Variants in WIZ observed in about 807,000 individuals in gnomAD.
The protein encoded by WIZ is WIZ zinc finger.
A neutral mutation model predicts 140.2 loss-of-function variants in WIZ; 25 were observed. The ratio of observed to expected loss-of-function variants is 0.18; its 90% CI spans 0.13 to 0.25. The LOEUF (loss-of-function observed/expected upper bound fraction) is 0.25. Among genes scored for constraint, WIZ ranks in the 10% least tolerant of loss-of-function variants. The probability of loss-of-function intolerance (pLI) is 1.00; values close to 1 mark genes in which losing one functional copy is unlikely to be tolerated. For synonymous variants in WIZ, 1,125 were observed against 1,154.3 expected (o/e 0.97, Z 0.51); for missense variants, 2,231 against 2,632.6 (o/e 0.85, Z 3.34).
chr19:15,432,162 G>A (rs1969287459), intron 5 of WIZ, among the ~76,000 whole-genome samples: 1 of 152,120 alleles, frequency 6.6e-6, no homozygotes, highest in Non-Finnish European at 1.5e-5. Context: ...CGCACCGGAC[G>A]GACCGGAACC....
At position 15,424,749 on chromosome 19, in the gene WIZ, C is replaced by T. The variant is rs1599646323; in HGVS notation, c.5178G>A (p.Leu1726=). 3 of 1,570,986 alleles carry T rather than the reference C, an allele frequency of 1.9e-6. No homozygotes were observed. The highest frequency in any genetic ancestry group is 2.6e-6 in the Non-Finnish European group (3 of 1,161,770). ...CTCCGGCACTGCGGCCGACCACGGCCAGGCCCCCGGGTGCCAGCCCCAGGG... is the reference window on the plus strand; with the variant it reads ...CTCCGGCACTGCGGCCGACCACGGCTAGGCCCCCGGGTGCCAGCCCCAGGG... ...RPSLGLAPGG[L]AVVGRSAGGE... Residue 1726 remains leucine, a synonymous_variant, in exon 11 of 13, where the codon CTG becomes CTA. Coordinates refer to ENST00000673675, the MANE Select transcript of WIZ (RefSeq NM_001371589.1). This position sits in a 1 kb window ranked among gnomAD's most constrained non-coding sequence, Gnocchi z 9.7.
chr19:15,429,504 C>G, intron 7 of WIZ, 82 bp downstream of exon 7: 1 of 1,251,366 alleles, frequency 8.0e-7, no homozygotes, highest in Non-Finnish European at 1.0e-6. Context: ...ACCCTGGGCC[C>G]TGTCCCTGGG....
chr19:15,428,392 C>T lies in WIZ; in HGVS notation c.3532G>A (p.Asp1178Asn), dbSNP rs1316781559. The change falls in exon 8 of 13, where the codon GAT becomes AAT. Residue 1178 changes from aspartate to asparagine, a missense_variant. Physicochemically the swap from Asp to Asn is conservative, Grantham distance 23. This residue lies in a region of WIZ where 39 missense variants were observed against 74.9 expected (regional missense o/e 0.52). Transcript: ENST00000673675. This position sits in a 1 kb window ranked among gnomAD's most constrained non-coding sequence, Gnocchi z 6.4. ...RAHLRHLGVSDPDAKGSPIDV... is the reference protein window; with the variant it reads ...RAHLRHLGVSNPDAKGSPIDV... ...ATGGGGGATCCCTTGGCGTCCGGAT[C>T]GCTGACGCCCAGGTGGCGCAGGTGG... The T allele has an allele frequency of 4.6e-6, 7 of 1,535,430 alleles. No individual in the cohort carries two copies. Among genetic ancestry groups the T allele is most frequent in the South Asian group, 2.4e-5 (2 of 84,032 alleles).
chr19:15,436,654 G>A (rs1358246710), intron 5 of WIZ, 152 bp downstream of exon 5: 23 of 734,492 alleles, frequency 3.1e-5, no homozygotes, highest in Non-Finnish European at 4.3e-5. Context: ...TAAATAGCAG[G>A]GTGGTTGTAA....
chr19:15,430,888 C>T, intron 6 of WIZ, 124 bp downstream of exon 6: 1 of 1,270,594 alleles, frequency 7.9e-7, no homozygotes, highest in Admixed American at 2.9e-5. Flanking sequence ...CTTGGTGCCT[C>T]AAGGTGCCAG....
At position 15,424,233 on chromosome 19, in the gene WIZ, G is replaced by C. The variant is rs770988708; in HGVS notation, c.5460C>G (p.Pro1820=). The C allele has an allele frequency of 3.8e-6, 6 of 1,581,746 alleles. No individual in the cohort carries two copies. The highest frequency in any genetic ancestry group is 3.4e-5 in the South Asian group (3 of 87,632). ...RPVPSLVPRP[P]QTSLVKFVGN... is the part of the protein sequence containing the mutation. The stretch of plus-strand genomic sequence containing the variant: ...CCACGAACTTGACAAGTGATGTCTG[G>C]GGGGGCCGGGGCACCAGGGAGGGGA... Residue 1820 remains proline, a synonymous_variant, in exon 12 of 13, where the codon CCC becomes CCG. Coordinates refer to ENST00000673675, the MANE Select transcript of WIZ (RefSeq NM_001371589.1). This position sits in a 1 kb window ranked among gnomAD's most constrained non-coding sequence, Gnocchi z 9.7.
At position 15,448,233 on chromosome 19, in the gene WIZ, C is replaced by T. The variant is rs761367887; in HGVS notation, c.75G>A (p.Ala25=). ...CCCCACCCTCGATGTTCTCCCTTGGCGCCGGGCCAGGCAGTCTCTCTGGGC... is the reference window on the plus strand; with the variant it reads ...CCCCACCCTCGATGTTCTCCCTTGGTGCCGGGCCAGGCAGTCTCTCTGGGC... ...PQGPERLPGP[A]PRENIEGGAE... is the part of the protein sequence containing the mutation. The change falls in exon 2 of 13, where the codon GCG becomes GCA. Residue 25 remains alanine, a synonymous_variant. Transcript: ENST00000673675. 1.8e-5 allele frequency: 29 copies of T among 1,613,522 alleles called. No homozygotes were observed. The highest frequency in any genetic ancestry group is 4.5e-5 in the East Asian group (2 of 44,852).
At chr19:15,447,985 G>T in intron 2 of WIZ, 118 bp downstream of exon 2, 1 of 1,185,460 alleles carries the variant, frequency 8.4e-7, no homozygotes, top group South Asian at 1.3e-5. Context: ...AAAGGCTCTG[G>T]ACCCAAGCGG....
At position 15,422,199 on chromosome 19, in the gene WIZ, T is replaced by C. The variant is rs1968410941; in HGVS notation, c.*877A>G. 6.6e-6 allele frequency: 1 copy of C among 152,262 alleles called. No individual in the cohort carries two copies. The highest frequency in any genetic ancestry group is 1.5e-5 in the Non-Finnish European group (1 of 68,062). The allele number at this position is 152,262 out of a possible 1,614,324, so 9.4% of individuals were successfully genotyped here. A position where few individuals can be genotyped will look rare whatever the true frequency, so the allele number is the denominator to read the frequency against. On this transcript the variant is annotated 3_prime_UTR_variant, in exon 13 of 13. Coordinates refer to ENST00000673675, the MANE Select transcript of WIZ (RefSeq NM_001371589.1). ...AAAAGGTCAATCAGCTCCTGGCTTCTAGCTGGCCCAGGATTGCAAAATAAA... is the reference window on the plus strand; with the variant it reads ...AAAAGGTCAATCAGCTCCTGGCTTCCAGCTGGCCCAGGATTGCAAAATAAA...
At position 15,438,705 on chromosome 19, in the gene WIZ, G is replaced by T. The variant is rs1422296442; in HGVS notation, c.2289C>A (p.Gly763=). The T allele has an allele frequency of 2.6e-6, 4 of 1,536,078 alleles. No individual in the cohort carries two copies. In the East Asian group the frequency reaches 9.8e-5, roughly 38 times the overall value. ...YCPDRFHNGI[G]LANHVRGHLN... ...GGTGGCCCCGGACGTGGTTGGCCAA[G>T]CCGATGCCGTTGTGGAAGCGATCGG... The change falls in exon 4 of 13, where the codon GGC becomes GGA. Residue 763 remains glycine, a synonymous_variant. Transcript: ENST00000673675.
chr19:15,440,387 A>C lies in WIZ; in HGVS notation c.607T>G (p.Leu203Val), dbSNP rs141394733. 5.0e-4 allele frequency: 771 copies of C among 1,533,144 alleles called. 3 individuals carry two copies. In the African/African-American group the frequency reaches 9.3e-3, roughly 18 times the overall value. The allele number at this position is 1,533,144 out of a possible 1,614,324, so 95.0% of individuals were successfully genotyped here. The change falls in exon 4 of 13, where the codon TTG becomes GTG. Residue 203 changes from leucine to valine, a missense_variant. By Grantham distance (32) the Leu-to-Val change is conservative. Around this residue, in one of 15 missense-constraint regions of WIZ, gnomAD observed 307 missense variants for 294.1 expected, o/e 1.04. Transcript: ENST00000673675. The surrounding 1 kb of genome is among the most constrained non-coding windows in gnomAD (Gnocchi z 6.2). The part of the protein sequence containing the change: ...QGSPQDAGLH[L>V]DLPAQPPPLA... ...GGTGGCGGCTGGGCAGGCAGGTCCA[A>C]GTGCAGCCCTGCGTCCTGGGGGGAT...
At chr19:15,438,496 G>T in intron 4 of WIZ, 82 bp downstream of exon 4, 1 of 1,389,756 alleles carries the variant, frequency 7.2e-7, no homozygotes, top group South Asian at 1.5e-5. Context: ...CCCCCTGCTT[G>T]GCGCTAAGGG....
chr19:15,424,383 G>C lies in WIZ; in HGVS notation c.5315-5C>G. On this transcript the variant is annotated splice_polypyrimidine_tract_variant and splice_region_variant and intron_variant, in intron 11 of 12. Coordinates refer to ENST00000673675, the MANE Select transcript of WIZ (RefSeq NM_001371589.1). The surrounding 1 kb of genome is among the most constrained non-coding windows in gnomAD (Gnocchi z 9.7). ...GGGCTTGTCGGCGTTCAAATTCTAA[G>C]GTGGAGAGGGGGACGGGAGATGAGT... 6.2e-7 allele frequency: 1 copy of C among 1,600,272 alleles called. No individual in the cohort carries two copies. The highest frequency in any genetic ancestry group is 8.5e-7 in the Non-Finnish European group (1 of 1,176,452).
chr19:15,444,749 C>T (rs756547914), intron 2 of WIZ, among the ~76,000 whole-genome samples: 13 of 152,130 alleles, frequency 8.5e-5, no homozygotes, highest in Non-Finnish European at 1.6e-4. Context: ...ATAGATTTGA[C>T]TTTTTTCAGG....
In WIZ at chr19:15,439,774, A is replaced by G; in HGVS notation, c.1220T>C (p.Val407Ala). ...GGCCCTGGATGAATTGGTGCCAAAGACACACTTAGGGCACTGCAGCCGTGC... is the reference window on the plus strand; with the variant it reads ...GGCCCTGGATGAATTGGTGCCAAAGGCACACTTAGGGCACTGCAGCCGTGC... ...REARLQCPKC[V>A]FGTNSSRAYV... The change falls in exon 4 of 13, where the codon GTC (valine) becomes GCC (alanine). Residue 407 changes from valine (V) to alanine (A), a missense_variant. Physicochemically the swap from Val to Ala is moderately conservative, Grantham distance 64 (BLOSUM62 0). Coordinates refer to ENST00000673675, the MANE Select transcript of WIZ (RefSeq NM_001371589.1). The surrounding 1 kb of genome is among the most constrained non-coding windows in gnomAD (Gnocchi z 7.0). The G allele has an allele frequency of 6.7e-7, 1 of 1,486,560 alleles. No individual in the cohort carries two copies. Among genetic ancestry groups the G allele is most frequent in the South Asian group, 1.3e-5 (1 of 77,300 alleles). The allele number at this position is 1,486,560 out of a possible 1,614,324, so 92.1% of individuals were successfully genotyped here. A position where few individuals can be genotyped will look rare whatever the true frequency, so the allele number is the denominator to read the frequency against.
intron 2 of WIZ, among the ~76,000 whole-genome samples, chr19:15,447,445 C>T (rs1317281006): frequency 6.6e-6 from 1 of 152,226 alleles, no homozygotes; most frequent in African/African-American, 2.4e-5. Flanking sequence ...TGTTTAGTTG[C>T]TTGTTGTCCA....
In WIZ at chr19:15,431,125, G is replaced by C; in HGVS notation, c.2798C>G (p.Pro933Arg). The change falls in exon 6 of 13, where the codon CCT becomes CGT. Residue 933 changes from proline to arginine, a missense_variant. Around this residue, in one of 15 missense-constraint regions of WIZ, gnomAD observed 137 missense variants for 135.8 expected, o/e 1.01. Coordinates refer to ENST00000673675, the MANE Select transcript of WIZ (RefSeq NM_001371589.1). The stretch of plus-strand genomic sequence containing the variant: ...CCCAGGGACAGGCAGGCTCTTCTTA[G>C]GGAGCGAGGGAGAGCCCAAGTCCAT... ...VAMDLGSPSL[P>R]KKSLPVPGAL... The C allele has an allele frequency of 6.5e-7, 1 of 1,535,206 alleles. No homozygotes were observed. Among genetic ancestry groups the C allele is most frequent in the Non-Finnish European group, 8.7e-7 (1 of 1,146,498 alleles).
Position 15,426,995 on chromosome 19 carries a change from T to G in WIZ, c.4353A>C (p.Thr1451=), listed in dbSNP as rs1412778417. The change falls in exon 9 of 13, where the codon ACA becomes ACC. Residue 1451 remains threonine (T), a synonymous_variant. Coordinates refer to ENST00000673675, the MANE Select transcript of WIZ (RefSeq NM_001371589.1). ...GGTCACACTTACACAGGTTCAGGGG[T>G]GTCATGTCTTCCCGTGGTGCCCCCC... ...GPWGAPREDM[T]PLNLSSRAEP... The G allele has an allele frequency of 6.2e-7, 1 of 1,612,226 alleles. No homozygotes were observed. The highest frequency in any genetic ancestry group is 1.1e-5 in the South Asian group (1 of 90,890).
intron 2 of WIZ, among the ~76,000 whole-genome samples, chr19:15,447,491 G>A (rs1969959646): frequency 6.6e-6 from 1 of 152,220 alleles, no homozygotes; most frequent in African/African-American, 2.4e-5. Context: ...TTGAGGGCAG[G>A]AATTCTTGCC....
Sources: allele counts gnomAD v4.1 joint callset (sites outside exome capture counted in the v4.1 genomes callset), GRCh38; gene constraint gnomAD v4.1.1; regional missense constraint gnomAD v4.1.1; non-coding constraint Gnocchi (gnomAD v3.1); transcripts MANE v1.5; gene names NCBI Gene and HGNC (gene_info 2026-07-23, HGNC 2026-07-21).